RGS7: variants seen among roughly 807,000 people sequenced by gnomAD.
The protein encoded by RGS7 is regulator of G-protein signaling 7.
A neutral mutation model predicts 81.1 loss-of-function variants in RGS7; 27 were observed. The observed-to-expected ratio is 0.33, with a 90% CI of 0.25 to 0.46. RGS7 has a LOEUF of 0.46. Ranked by LOEUF, RGS7 falls within the 20% of genes least tolerant of loss-of-function variation. The pLI, the probability that RGS7 is intolerant of heterozygous loss-of-function variation, is 1.00. For missense variants in RGS7, 396 were observed against 607.4 expected (o/e 0.65, Z 3.66); for synonymous variants, 208 against 207.7 (o/e 1.00, Z -0.01).
intron 3 of RGS7, among the ~76,000 whole-genome samples, chr1:241,053,073 A>G (rs78115540): frequency 1.5e-4 from 23 of 152,206 alleles, no homozygotes; most frequent in Non-Finnish European, 2.6e-4. Context: ...ATCTCTTGAC[A>G]TACATTTAGA....
intron 2 of RGS7, among the ~76,000 whole-genome samples, chr1:241,327,114 GAAAGAAAGAAAGAAA>G (rs2081611480): frequency 9.4e-6 from 1 of 106,466 alleles, no homozygotes; most frequent in South Asian, 3.2e-4. Context: ...AAGAAAGAAA[GAAAGAAAGAAAGAAA>G]GAAAGAAAGA....
At chr1:241,318,083 G>T (rs553858431) in intron 2 of RGS7, among the ~76,000 whole-genome samples, 1 of 152,224 alleles carries the variant, frequency 6.6e-6, no homozygotes, top group East Asian at 1.9e-4. Context: ...TAATACATTT[G>T]TCTACGTGTT....
intron 2 of RGS7, among the ~76,000 whole-genome samples, chr1:241,179,726 A>G (rs936373829): frequency 2.0e-5 from 3 of 152,228 alleles, no homozygotes; most frequent in Admixed American, 6.5e-5. Context: ...AATTCTCCAC[A>G]AAATTCCATG....
At chr1:241,240,351 CAGTT>C (rs773752503) in intron 2 of RGS7, among the ~76,000 whole-genome samples, 7 of 152,266 alleles carry the variant, frequency 4.6e-5, no homozygotes, top group Admixed American at 3.3e-4. Flanking sequence ...AGCAACGACT[CAGTT>C]AGACTCACGT....
chr1:240,884,164 G>A (rs1389019779), intron 6 of RGS7, among the ~76,000 whole-genome samples: 2 of 151,282 alleles, frequency 1.3e-5, no homozygotes, highest in South Asian at 2.1e-4. Flanking sequence ...AGGCTGTGGC[G>A]TGCCTTACGG....
intron 3 of RGS7, among the ~76,000 whole-genome samples, chr1:241,089,547 G>A (rs34832040): frequency 1.3e-5 from 2 of 151,776 alleles, no homozygotes; most frequent in Admixed American, 1.3e-4. Context: ...CACCCCAACA[G>A]TTACCCCTCG....
chr1:241,195,033 G>A (rs2072963102), intron 2 of RGS7, among the ~76,000 whole-genome samples: 1 of 152,180 alleles, frequency 6.6e-6, no homozygotes, highest in Admixed American at 6.5e-5. Context: ...AAGTCCTAAA[G>A]GATTAAGGTG....
At chr1:241,294,777 G>T (rs983386634) in intron 2 of RGS7, among the ~76,000 whole-genome samples, 1 of 152,150 alleles carries the variant, frequency 6.6e-6, no homozygotes, top group African/African-American at 2.4e-5. Context: ...TGTTACAACT[G>T]CCTATAGTAT....
chr1:240,887,851 TTTTA>T (rs1338392926), intron 6 of RGS7, among the ~76,000 whole-genome samples: 1 of 152,222 alleles, frequency 6.6e-6, no homozygotes, highest in African/African-American at 2.4e-5. Context: ...CCCTCATTCC[TTTTA>T]TTTGTGTTAT....
chr1:240,852,223 C>T (rs1453581528), intron 9 of RGS7, among the ~76,000 whole-genome samples: 1 of 152,192 alleles, frequency 6.6e-6, no homozygotes, highest in East Asian at 1.9e-4. Context: ...CAGCAGCTAT[C>T]AGCACTGAGG....
At chr1:241,238,466 C>T (rs759604578) in intron 2 of RGS7, among the ~76,000 whole-genome samples, 6 of 152,160 alleles carry the variant, frequency 3.9e-5, no homozygotes, top group Non-Finnish European at 7.4e-5. Flanking sequence ...TTATTACATA[C>T]ACAATTGCCC....
At chr1:240,790,405 C>T (rs1685789375) in intron 18 of RGS7, among the ~76,000 whole-genome samples, 1 of 152,146 alleles carries the variant, frequency 6.6e-6, no homozygotes, top group Non-Finnish European at 1.5e-5. Context: ...CCCACAACCC[C>T]TTGCCTCAGC....
intron 3 of RGS7, among the ~76,000 whole-genome samples, chr1:241,055,428 T>C (rs1041783285): frequency 1.3e-5 from 2 of 152,076 alleles, no homozygotes; most frequent in Non-Finnish European, 2.9e-5. Flanking sequence ...TGGTCATTCA[T>C]TATTATAAAG....
intron 4 of RGS7, among the ~76,000 whole-genome samples, chr1:240,955,940 AG>A (rs67221855): frequency 0.87 from 132,316 of 152,122 alleles, 57,729 homozygotes; most frequent in Admixed American, 0.93. Flanking sequence ...AAAACATAGG[AG>A]GGAATCTGTC....
At chr1:241,060,244 A>C (rs977826268) in intron 3 of RGS7, among the ~76,000 whole-genome samples, 2 of 152,218 alleles carry the variant, frequency 1.3e-5, no homozygotes, top group African/African-American at 4.8e-5. Context: ...AACAAGTCAA[A>C]AGAAATGCCA....
intron 3 of RGS7, among the ~76,000 whole-genome samples, chr1:240,987,984 T>G (rs897849321): frequency 1.2e-4 from 19 of 152,152 alleles, no homozygotes; most frequent in Non-Finnish European, 2.9e-5. Context: ...CTGTAGAAGT[T>G]TGGCTGAGGA....
At chr1:240,909,109 GA>G (rs1671313066) in intron 6 of RGS7, among the ~76,000 whole-genome samples, 1 of 152,170 alleles carries the variant, frequency 6.6e-6, no homozygotes, top group Admixed American at 6.5e-5. Flanking sequence ...TCCATTCCAA[GA>G]GGATGTTTTA....
intron 3 of RGS7, among the ~76,000 whole-genome samples, chr1:241,062,249 C>T (rs2061779948): frequency 6.6e-6 from 1 of 152,198 alleles, no homozygotes; most frequent in East Asian, 1.9e-4. Context: ...GCAAGTCCCA[C>T]AAGGATGATT....
At chr1:241,076,751 G>C (rs1404350527) in intron 3 of RGS7, among the ~76,000 whole-genome samples, 1 of 152,148 alleles carries the variant, frequency 6.6e-6, no homozygotes, top group African/African-American at 2.4e-5. Flanking sequence ...TTTACATTCT[G>C]ATAATTCTTT....
Sources: gnomAD v4.1 joint callset for allele counts (sites outside exome capture counted in the v4.1 genomes callset) on GRCh38, gnomAD v4.1.1 for gene constraint, MANE v1.5 for transcripts, NCBI Gene and HGNC (gene_info 2026-07-23, HGNC 2026-07-21) for gene names.